The following FUT9 variants were observed in gnomAD, a reference collection of about 807,000 sequenced individuals.
The protein encoded by FUT9 is fucosyltransferase 9.
In FUT9, 15 loss-of-function variants were observed where a neutral mutation model predicts 29.7. The observed-to-expected ratio is 0.51, with a 90% CI of 0.34 to 0.78. The LOEUF (loss-of-function observed/expected upper bound fraction) is 0.78, where lower values mean the gene tolerates loss of function less well. Ranked by LOEUF, FUT9 falls within the 30% of genes least tolerant of loss-of-function variation. The pLI is 0.01. For missense variants in FUT9, 319 were observed against 425.4 expected, an observed-to-expected ratio of 0.75 and a Z score of 2.20; for synonymous variants, 169 against 153.7, an observed-to-expected ratio of 1.10 and a Z score of -0.74.
chr6:96,078,252 G>C (rs1438290852), intron 1 of FUT9, among the ~76,000 whole-genome samples: 1 of 151,526 alleles, frequency 6.6e-6, no homozygotes, highest in Non-Finnish European at 1.5e-5. Flanking sequence ...ATTTCCATGA[G>C]CTTTTTCTTG....
intron 1 of FUT9, among the ~76,000 whole-genome samples, chr6:96,088,531 TG>T (rs1459315737): frequency 2.2e-3 from 3 of 1,346 alleles, no homozygotes; most frequent in East Asian, 0.5. Flanking sequence ...TTGTTTGTTT[TG>T]TGTGTGTGTG....
At chr6:96,092,593 C>A (rs957595865) in intron 1 of FUT9, among the ~76,000 whole-genome samples, 1 of 152,100 alleles carries the variant, frequency 6.6e-6, no homozygotes, top group African/African-American at 2.4e-5. Context: ...TTCATTCATA[C>A]ACTTGAATGT....
At chr6:96,176,957 T>C (rs1773215539) in intron 2 of FUT9, among the ~76,000 whole-genome samples, 1 of 152,164 alleles carries the variant, frequency 6.6e-6, no homozygotes, top group African/African-American at 2.4e-5. Context: ...GCTTTCCAGC[T>C]GCATCTACAT....
At chr6:96,106,322 C>A (rs1771685617) in intron 1 of FUT9, among the ~76,000 whole-genome samples, 1 of 151,692 alleles carries the variant, frequency 6.6e-6, no homozygotes, top group African/African-American at 2.4e-5. Context: ...AACAGCATAT[C>A]AAAACCCTGC....
chr6:96,144,142 G>A (rs945730861), intron 2 of FUT9, among the ~76,000 whole-genome samples: 3 of 152,214 alleles, frequency 2.0e-5, no homozygotes, highest in African/African-American at 7.2e-5. Context: ...TATACGTAGA[G>A]TAATGCAAAC....
At chr6:96,078,522 G>T (rs1222849260) in intron 1 of FUT9, among the ~76,000 whole-genome samples, 1 of 139,356 alleles carries the variant, frequency 7.2e-6, no homozygotes, top group Non-Finnish European at 1.5e-5. Flanking sequence ...CTGGATTCGC[G>T]CCATTCTCCT....
intron 1 of FUT9, among the ~76,000 whole-genome samples, chr6:96,092,895 G>A (rs780490980): frequency 6.6e-6 from 1 of 151,908 alleles, no homozygotes. Flanking sequence ...TGAGTAGTTA[G>A]GACTTCAGGT....
chr6:96,086,076 C>T (rs1424822094), intron 1 of FUT9, among the ~76,000 whole-genome samples: 5 of 152,112 alleles, frequency 3.3e-5, no homozygotes, highest in African/African-American at 1.2e-4. Context: ...TATGCCATGA[C>T]AACATCATGA....
chr6:96,184,915 A>G (rs183746669), intron 2 of FUT9, among the ~76,000 whole-genome samples: 300 of 152,148 alleles, frequency 2.0e-3, no homozygotes, highest in African/African-American at 7.0e-3. Flanking sequence ...GTTTGTTTAC[A>G]GTAAGCAATT....
chr6:96,176,699 A>G (rs1448290797), intron 2 of FUT9, among the ~76,000 whole-genome samples: 1 of 152,112 alleles, frequency 6.6e-6, no homozygotes, highest in African/African-American at 2.4e-5. Context: ...TCATCTGCTA[A>G]CCTCAGGGCC....
At chr6:96,066,279 T>C (rs1004829635) in intron 1 of FUT9, among the ~76,000 whole-genome samples, 1 of 152,226 alleles carries the variant, frequency 6.6e-6, no homozygotes, top group African/African-American at 2.4e-5. Context: ...TGGTTCACAT[T>C]AAAATGCACA....
chr6:96,146,150 C>A (rs1772563678), intron 2 of FUT9, among the ~76,000 whole-genome samples: 1 of 152,100 alleles, frequency 6.6e-6, no homozygotes, highest in Admixed American at 6.6e-5. Flanking sequence ...GATTTTGACT[C>A]CAAAGTGAGA....
chr6:96,105,514 T>C (rs1771662110), intron 1 of FUT9, among the ~76,000 whole-genome samples: 1 of 152,232 alleles, frequency 6.6e-6, no homozygotes, highest in Admixed American at 6.5e-5. Context: ...AGGACTAGTA[T>C]GTCTTCTTTG....
chr6:96,110,304 A>G (rs1267165874), intron 1 of FUT9, among the ~76,000 whole-genome samples: 3 of 152,090 alleles, frequency 2.0e-5, no homozygotes, highest in Admixed American at 6.5e-5. Flanking sequence ...TGGCTGAGCC[A>G]TTTTGCTCAT....
chr6:96,063,216 A>G (rs1428873733), intron 1 of FUT9, among the ~76,000 whole-genome samples: 1 of 152,142 alleles, frequency 6.6e-6, no homozygotes, highest in Non-Finnish European at 1.5e-5. Flanking sequence ...GTATTAGGCC[A>G]TTCTTGCCTT....
intron 1 of FUT9, among the ~76,000 whole-genome samples, chr6:96,048,568 TAGA>T (rs1283053949): frequency 6.6e-6 from 1 of 152,164 alleles, no homozygotes; most frequent in Non-Finnish European, 1.5e-5. Context: ...AAGTTGGGGC[TAGA>T]AGGAGAGAAT....
At chr6:96,076,870 A>G (rs191970091) in intron 1 of FUT9, among the ~76,000 whole-genome samples, 34 of 152,294 alleles carry the variant, frequency 2.2e-4, no homozygotes, top group African/African-American at 7.7e-4. Flanking sequence ...ACTTTTTTGA[A>G]GTTTATATAT....
intron 1 of FUT9, among the ~76,000 whole-genome samples, chr6:96,111,972 A>G (rs1771817207): frequency 1.3e-5 from 2 of 152,192 alleles, no homozygotes; most frequent in Non-Finnish European, 2.9e-5. Flanking sequence ...CAATCCTAAG[A>G]CAGCTATACA....
At chr6:96,158,828 A>G (rs1772840613) in intron 2 of FUT9, among the ~76,000 whole-genome samples, 1 of 152,068 alleles carries the variant, frequency 6.6e-6, no homozygotes, top group African/African-American at 2.4e-5. Context: ...AATCCTCAGA[A>G]CTTTAACATC....
Sources: allele counts gnomAD v4.1 joint callset (sites outside exome capture counted in the v4.1 genomes callset), GRCh38; gene constraint gnomAD v4.1.1; transcripts MANE v1.5; gene names NCBI Gene and HGNC (gene_info 2026-07-23, HGNC 2026-07-21).